The following VEZT variants were observed in gnomAD, a reference collection of about 807,000 sequenced individuals.
The protein encoded by VEZT is vezatin, adherens junctions transmembrane protein.
A neutral mutation model predicts 79.9 loss-of-function variants in VEZT; 39 were observed. That is an observed-to-expected ratio of 0.49 (90% CI 0.38 to 0.64). The LOEUF is 0.64. VEZT is among the 30% of genes least tolerant of loss of function. The probability of loss-of-function intolerance (pLI) is 0.00; values close to 1 mark genes in which losing one functional copy is unlikely to be tolerated. For synonymous variants in VEZT, 325 were observed against 327.6 expected, an observed-to-expected ratio of 0.99 and a Z score of 0.09; for missense variants, 837 against 893.1, an observed-to-expected ratio of 0.94 and a Z score of 0.80.
intron 6 of VEZT, 111 bp from the exon 7 acceptor site, chr12:95,274,631 C>T: frequency 8.4e-7 from 1 of 1,185,320 alleles, no homozygotes; most frequent in Non-Finnish European, 1.2e-6. Flanking sequence ...CTGTAAACCT[C>T]CTCATCCAAA....
chr12:95,266,310 C>A, intron 4 of VEZT, 47 bp from the exon 5 acceptor site: 1 of 1,521,836 alleles, frequency 6.6e-7, no homozygotes, highest in Non-Finnish European at 8.8e-7. Flanking sequence ...ATTCATCTTT[C>A]TTTCTCTAAT....
intron 1 of VEZT, among the ~76,000 whole-genome samples, chr12:95,230,178 C>T (rs1443541836): frequency 6.7e-6 from 1 of 149,300 alleles, no homozygotes; most frequent in East Asian, 2.0e-4. Context: ...TTATAGTATA[C>T]ATTGAGACTT....
intron 1 of VEZT, chr12:95,243,935 A>T (rs1014193144): frequency 2.2e-6 from 1 of 455,924 alleles, no homozygotes; most frequent in African/African-American, 2.0e-5. Flanking sequence ...ACCATATTAT[A>T]TCTAGGCAGC....
intron 9 of VEZT, 22 bp downstream of exon 9, chr12:95,287,879 G>A: frequency 1.9e-6 from 3 of 1,562,268 alleles, no homozygotes; most frequent in Non-Finnish European, 2.6e-6. Flanking sequence ...AGATTTCTTT[G>A]CCATATGCTT....
At chr12:95,279,834 G>GTAATCTTCCCACC (rs71078695) in intron 7 of VEZT, among the ~76,000 whole-genome samples, 4 of 128,434 alleles carry the variant, frequency 3.1e-5, no homozygotes, top group African/African-American at 1.0e-4. Flanking sequence ...CTGGCCTCAA[G>GTAATCTTCCCACC]TGAGCCTCCC....
intron 6 of VEZT, among the ~76,000 whole-genome samples, chr12:95,273,770 A>G (rs1360608382): frequency 6.6e-6 from 1 of 152,210 alleles, no homozygotes; most frequent in African/African-American, 2.4e-5. Context: ...GACCCATCTC[A>G]TAAGTGGAGA....
intron 1 of VEZT, among the ~76,000 whole-genome samples, chr12:95,223,779 G>A (rs1370636545): frequency 6.6e-6 from 1 of 152,114 alleles, no homozygotes; most frequent in Non-Finnish European, 1.5e-5. Context: ...AAACTAGTTG[G>A]TTTTGTTTGG....
chr12:95,295,451 C>T (rs1451004570), intron 10 of VEZT, among the ~76,000 whole-genome samples: 4 of 152,140 alleles, frequency 2.6e-5, no homozygotes, highest in Non-Finnish European at 5.9e-5. Flanking sequence ...TGAGCCACCG[C>T]GCCCGGCTGG....
chr12:95,223,880 A>G (rs930370341), intron 1 of VEZT, among the ~76,000 whole-genome samples: 3 of 151,968 alleles, frequency 2.0e-5, no homozygotes, highest in Non-Finnish European at 4.4e-5. Flanking sequence ...TTATTTTGCT[A>G]TTTTTGTTCT....
chr12:95,275,635 G>A (rs1461557763), intron 7 of VEZT: 1 of 150,160 alleles, frequency 6.7e-6, no homozygotes, highest in Non-Finnish European at 1.5e-5. Context: ...ATGCAAACAA[G>A]CTCAAGAAAA....
intron 1 of VEZT, among the ~76,000 whole-genome samples, chr12:95,246,697 A>T (rs2137587570): frequency 6.6e-6 from 1 of 152,324 alleles, no homozygotes; most frequent in South Asian, 2.1e-4. Context: ...GGAATAGTGA[A>T]CCACAAAGAT....
chr12:95,239,431 C>G (rs1223089798), intron 1 of VEZT, among the ~76,000 whole-genome samples: 1 of 152,200 alleles, frequency 6.6e-6, no homozygotes, highest in African/African-American at 2.4e-5. Flanking sequence ...TCCAGATGAT[C>G]TTTACCCTGG....
intron 6 of VEZT, among the ~76,000 whole-genome samples, chr12:95,271,204 A>G (rs1329469451): frequency 1.3e-5 from 2 of 152,154 alleles, no homozygotes; most frequent in Non-Finnish European, 2.9e-5. Context: ...ATATATATGG[A>G]AATTTCACAT....
chr12:95,274,691 C>G, intron 6 of VEZT, 51 bp from the exon 7 acceptor site: 1 of 1,562,954 alleles, frequency 6.4e-7, no homozygotes, highest in Non-Finnish European at 8.7e-7. Flanking sequence ...TTCACTGTAT[C>G]TTTTATGCTT....
intron 1 of VEZT, among the ~76,000 whole-genome samples, chr12:95,234,229 T>A (rs2059671870): frequency 6.6e-6 from 1 of 152,106 alleles, no homozygotes; most frequent in Admixed American, 6.6e-5. Flanking sequence ...TTATGTGGCC[T>A]TATTGTAAAT....
At chr12:95,243,239 G>C (rs754194339) in intron 1 of VEZT, among the ~76,000 whole-genome samples, 1 of 151,844 alleles carries the variant, frequency 6.6e-6, no homozygotes, top group African/African-American at 2.4e-5. Flanking sequence ...GCTGAGGGTG[G>C]TGGTGCATGC....
At chr12:95,278,962 C>T (rs541929794) in intron 7 of VEZT, among the ~76,000 whole-genome samples, 26 of 152,210 alleles carry the variant, frequency 1.7e-4, no homozygotes, top group South Asian at 4.1e-4. Context: ...CCCAGCTACT[C>T]GGGAGGCTGA....
intron 1 of VEZT, among the ~76,000 whole-genome samples, chr12:95,225,761 C>CAAAAAAAAA (rs531470163): frequency 7.3e-5 from 3 of 40,850 alleles, no homozygotes; most frequent in African/African-American, 1.4e-4. Context: ...TGTTTCATAG[C>CAAAAAAAAA]AAAAAAAAAA....
chr12:95,259,525 G>A (rs923334212), intron 3 of VEZT, among the ~76,000 whole-genome samples: 3 of 152,140 alleles, frequency 2.0e-5, no homozygotes, highest in African/African-American at 7.2e-5. Flanking sequence ...TGCCAAAGAG[G>A]AAACTGGCAC....
Sources: allele counts gnomAD v4.1 joint callset (sites outside exome capture counted in the v4.1 genomes callset), GRCh38; gene constraint gnomAD v4.1.1; transcripts MANE v1.5; gene names NCBI Gene and HGNC (gene_info 2026-07-23, HGNC 2026-07-21).